The following PCDH15 variants were observed in gnomAD, a reference collection of about 807,000 sequenced individuals.
The protein encoded by PCDH15 is protocadherin related 15, also known as protocadherin-15.
PCDH15 carries 129 observed loss-of-function variants against 178.5 expected under a neutral mutation model. The ratio of observed to expected loss-of-function variants is 0.72; its 90% CI spans 0.63 to 0.84. The LOEUF is 0.84. Among genes scored for constraint, PCDH15 ranks in the 40% least tolerant of loss-of-function variants. The pLI, the probability that PCDH15 is intolerant of heterozygous loss-of-function variation, is 0.00. For synonymous variants in PCDH15, 800 were observed against 732.0 expected, an observed-to-expected ratio of 1.09 and a Z score of -1.50; for missense variants, 2,230 against 2,099.9, an observed-to-expected ratio of 1.06 and a Z score of -1.21.
intron 23 of PCDH15, 34 bp from the exon 24 acceptor site, chr10:53,941,009 T>C: frequency 3.5e-6 from 5 of 1,416,324 alleles, no homozygotes; most frequent in Non-Finnish European, 5.0e-6. Context: ...TATTTATTTT[T>C]AAATATAATT....
chr10:55,123,471 T>C (rs1047333116), intron 2 of PCDH15, among the ~76,000 whole-genome samples: 9 of 152,256 alleles, frequency 5.9e-5, no homozygotes, highest in Middle Eastern at 3.4e-3. Flanking sequence ...GAGCACAGTG[T>C]TGTAAATATA....
intron 2 of PCDH15, among the ~76,000 whole-genome samples, chr10:55,550,508 G>T (rs553363611): frequency 6.6e-6 from 1 of 152,170 alleles, no homozygotes; most frequent in East Asian, 1.9e-4. Context: ...GAGCACGAAG[G>T]TCTGTGAAAA....
chr10:55,379,399 G>A (rs1462604032), intron 2 of PCDH15, among the ~76,000 whole-genome samples: 1 of 151,920 alleles, frequency 6.6e-6, no homozygotes, highest in African/African-American at 2.4e-5. Context: ...AGCTGAATCA[G>A]TATAAAAAAT....
At chr10:54,536,490 T>A (rs1257690987) in intron 2 of PCDH15, among the ~76,000 whole-genome samples, 1 of 149,906 alleles carries the variant, frequency 6.7e-6, no homozygotes, top group Non-Finnish European at 1.5e-5. Context: ...GTTAACTTTT[T>A]AAAAAATAAT....
intron 2 of PCDH15, among the ~76,000 whole-genome samples, chr10:55,001,395 T>G (rs1435979070): frequency 6.6e-6 from 1 of 152,134 alleles, no homozygotes; most frequent in Non-Finnish European, 1.5e-5. Flanking sequence ...CTTGCCACGT[T>G]GTGGGTGATG....
chr10:54,813,059 T>A (rs1448203119), intron 3 of PCDH15, among the ~76,000 whole-genome samples: 5 of 152,190 alleles, frequency 3.3e-5, no homozygotes, highest in Admixed American at 2.6e-4. Context: ...TTTCAGAACC[T>A]CCAACAACCT....
chr10:55,599,439 A>C (rs1293496581), intron 2 of PCDH15: 1 of 152,382 alleles, frequency 6.6e-6, no homozygotes, highest in African/African-American at 2.4e-5. Flanking sequence ...TACCACCATA[A>C]TTGGCCTAAA....
intron 1 of PCDH15, among the ~76,000 whole-genome samples, chr10:54,798,664 A>G (rs1952312820): frequency 6.6e-6 from 1 of 152,082 alleles, no homozygotes; most frequent in Admixed American, 6.6e-5. Flanking sequence ...TAGATAATAA[A>G]TATGATCATT....
chr10:54,062,251 AAC>A (rs1353282163), intron 18 of PCDH15, among the ~76,000 whole-genome samples: 19 of 74,388 alleles, frequency 2.6e-4, no homozygotes, highest in African/African-American at 8.3e-4. Flanking sequence ...AAAAAAAAAA[AAC>A]AAAAAACAAC....
intron 3 of PCDH15, among the ~76,000 whole-genome samples, chr10:54,892,756 G>A (rs1025324839): frequency 6.9e-6 from 1 of 145,464 alleles, no homozygotes; most frequent in Non-Finnish European, 1.5e-5. Flanking sequence ...TTAAGATGGA[G>A]TTTCACTCTT....
chr10:55,300,030 A>G (rs1429166546), intron 1 of PCDH15, among the ~76,000 whole-genome samples: 1 of 152,172 alleles, frequency 6.6e-6, no homozygotes, highest in African/African-American at 2.4e-5. Context: ...AATAAATGCA[A>G]TATATATAGT....
intron 5 of PCDH15, among the ~76,000 whole-genome samples, chr10:54,354,778 G>T (rs1944706082): frequency 1.3e-5 from 2 of 152,094 alleles, no homozygotes; most frequent in Admixed American, 1.3e-4. Context: ...GAATGTCAGT[G>T]TTATGCTTCT....
In PCDH15 at chr10:53,804,085, T is replaced by C. The variant is rs1841020584; in HGVS notation, c.*2494A>G. The C allele has an allele frequency of 6.6e-6, 1 of 151,962 alleles. No homozygotes were observed. The highest frequency in any genetic ancestry group is 2.1e-4 in the South Asian group (1 of 4,832). The allele number at this position is 151,962 out of a possible 1,614,324, so 9.4% of individuals were successfully genotyped here. On this transcript the variant is annotated 3_prime_UTR_variant, in exon 38 of 38. Transcript: ENST00000644397. ...TTTAATTGATCCAGATTTATTTAGT[T>C]AGTAATAATTTTGCTGCTCTACGTT...
chr10:54,622,666 TATTA>T (rs2093410160), intron 2 of PCDH15, among the ~76,000 whole-genome samples: 1 of 89,804 alleles, frequency 1.1e-5, no homozygotes, highest in African/African-American at 5.1e-5. Context: ...ATATAATATA[TATTA>T]TATATAATAT....
At chr10:54,927,442 T>C (rs1042781255) in intron 2 of PCDH15, among the ~76,000 whole-genome samples, 2 of 152,150 alleles carry the variant, frequency 1.3e-5, no homozygotes, top group Admixed American at 1.3e-4. Flanking sequence ...TGTGGATTTC[T>C]ATCAGATTCA....
intron 3 of PCDH15, among the ~76,000 whole-genome samples, chr10:54,848,306 TG>T (rs1289393831): frequency 7.0e-6 from 1 of 143,096 alleles, no homozygotes; most frequent in Non-Finnish European, 1.5e-5. Flanking sequence ...TCCTTGAACC[TG>T]GAAGGCAGAA....
intron 2 of PCDH15, among the ~76,000 whole-genome samples, chr10:55,440,171 A>C (rs1297468910): frequency 6.6e-6 from 1 of 152,214 alleles, no homozygotes; most frequent in African/African-American, 2.4e-5. Flanking sequence ...GAGGGTGGTG[A>C]TAGGGATATC....
chr10:55,209,654 T>C (rs1010655808), intron 1 of PCDH15, among the ~76,000 whole-genome samples: 20 of 152,140 alleles, frequency 1.3e-4, no homozygotes, highest in African/African-American at 4.8e-4. Context: ...GAATAAATGA[T>C]TCTATTCATT....
chr10:54,748,858 C>T (rs1945814930), intron 1 of PCDH15, among the ~76,000 whole-genome samples: 1 of 152,134 alleles, frequency 6.6e-6, no homozygotes, highest in African/African-American at 2.4e-5. Context: ...TATCATTATT[C>T]CAGATGAGAC....
Sources: allele counts gnomAD v4.1 joint callset (sites outside exome capture counted in the v4.1 genomes callset), GRCh38; gene constraint gnomAD v4.1.1; transcripts MANE v1.5; gene names NCBI Gene and HGNC (gene_info 2026-07-23, HGNC 2026-07-21).